The following CYP20A1 variants were observed in gnomAD, a reference collection of about 807,000 sequenced individuals.
CYP20A1 encodes cytochrome P450 family 20 subfamily A member 1.
In CYP20A1, 61 loss-of-function variants were observed where a neutral mutation model predicts 61.4. The observed-to-expected ratio is 0.99, with a 90% CI of 0.81 to 1.23. The LOEUF (loss-of-function observed/expected upper bound fraction) is 1.23, where lower values mean the gene tolerates loss of function less well. Among genes scored for constraint, CYP20A1 ranks in the 50% most tolerant of loss-of-function variants. The pLI is 0.00. For synonymous variants in CYP20A1, 193 were observed against 188.2 expected (o/e 1.03, Z -0.21); for missense variants, 530 against 542.4 (o/e 0.98, Z 0.23).
rs908751243 is a variant in CYP20A1 at position 203,303,004 on chromosome 2, T to G, written c.*6096T>G. Among the ~76,000 whole-genome samples, 3 of 151,410 alleles carry G rather than the reference T, an allele frequency of 2.0e-5. No homozygotes were observed. The highest frequency in any genetic ancestry group is 6.6e-5 in the Admixed American group (1 of 15,118). On this transcript the variant is annotated 3_prime_UTR_variant, in exon 13 of 13. Transcript: ENST00000356079. ...CCGCGCTCGGTCCCTTTCTTTTTAT[T>G]TATTTATTTATTTTGAGATGGAGTC...
Position 203,258,746 on chromosome 2 carries a change from G to A in CYP20A1, c.432+6637G>A, listed in dbSNP as rs773587151. Among the ~76,000 whole-genome samples the A allele has an allele frequency of 2.0e-5, 3 of 152,064 alleles. No homozygotes were observed. In the South Asian group the frequency reaches 6.2e-4, roughly 32 times the overall value. On this transcript the variant is annotated intron_variant, in intron 4 of 12. Transcript: ENST00000356079. Reference sequence around the variant, plus strand: ...AAGGTTCTGTATTGGTTGTACATACGTCGTGTTCTTTGAAGCTCTCAGGCT... The same window carrying A: ...AAGGTTCTGTATTGGTTGTACATACATCGTGTTCTTTGAAGCTCTCAGGCT...
Position 203,242,525 on chromosome 2 carries a change from A to G in CYP20A1, c.73-3321A>G, listed in dbSNP as rs117514507. 5.9e-3 allele frequency among the ~76,000 whole-genome samples: 899 copies of G among 152,244 alleles called. 33 individuals carry two copies. In the East Asian group the frequency reaches 0.098, roughly 17 times the overall value. ...AGCTTATGGCCAGCACGGTGACTCA[A>G]GCCTATAATCCCAGCACTTCGGGAG... On this transcript the variant is annotated intron_variant, in intron 1 of 12. Transcript: ENST00000356079.
In CYP20A1 at chr2:203,300,344, A is replaced by C. The variant is rs1489521944; in HGVS notation, c.*3436A>C. Among the ~76,000 whole-genome samples, 1 of 152,160 alleles carries C rather than the reference A, an allele frequency of 6.6e-6. No individual in the cohort carries two copies. Among genetic ancestry groups the C allele is most frequent in the Non-Finnish European group, 1.5e-5 (1 of 68,010 alleles). Reference sequence around the variant, plus strand: ...AATATATAAACTAAGTTATTCATTCACTGTTTTTCTTCACAGTAAGAATGA... The same window carrying C: ...AATATATAAACTAAGTTATTCATTCCCTGTTTTTCTTCACAGTAAGAATGA... On this transcript the variant is annotated 3_prime_UTR_variant, in exon 13 of 13. Transcript: ENST00000356079.
At position 203,294,151 on chromosome 2, in the gene CYP20A1, A is replaced by AT. The variant is rs1188149377; in HGVS notation, c.1148+1833dup. 6.6e-5 allele frequency among the ~76,000 whole-genome samples: 10 copies of AT among 151,810 alleles called. No individual in the cohort carries two copies. The East Asian group carries it at 1.9e-3, about 29-fold the overall frequency. On this transcript the variant is annotated intron_variant, in intron 11 of 12. Coordinates refer to ENST00000356079, the MANE Select transcript of CYP20A1 (RefSeq NM_177538.3). The stretch of plus-strand genomic sequence containing the variant: ...AGGTATACGCTACCATGCCTGGCTA[A>AT]TTTTTTTTAATTTTTAATTTATTTT...
intron 3 of CYP20A1, among the ~76,000 whole-genome samples, chr2:203,251,187 G>A (rs1237626186): frequency 2.0e-5 from 3 of 149,636 alleles, no homozygotes; most frequent in Non-Finnish European, 4.4e-5. Context: ...CAATGACAGT[G>A]TATCTTTGTA....
At chr2:203,239,388 A>G (rs1332216859) in intron 1 of CYP20A1, among the ~76,000 whole-genome samples, 2 of 151,492 alleles carry the variant, frequency 1.3e-5, no homozygotes, top group Non-Finnish European at 2.9e-5. Context: ...TGCTGAGGAA[A>G]AGCCCGCGCC....
chr2:203,263,481 G>A (rs931118031), intron 4 of CYP20A1, among the ~76,000 whole-genome samples: 1 of 151,514 alleles, frequency 6.6e-6, no homozygotes, highest in Non-Finnish European at 1.5e-5. Context: ...GTAGAGAATG[G>A]GTTTCACCAT....
chr2:203,269,644 A>G lies in CYP20A1; in HGVS notation c.600+2963A>G, dbSNP rs2152079210. On this transcript the variant is annotated intron_variant, in intron 5 of 12. Coordinates refer to ENST00000356079, the MANE Select transcript of CYP20A1 (RefSeq NM_177538.3). The stretch of plus-strand genomic sequence containing the variant: ...CCAGTAGCTGGGATTACAGGTGCCC[A>G]CCACCACGCCTGGCTAATTTTTGTA... Among the ~76,000 whole-genome samples, 3 of 151,772 alleles carry G rather than the reference A, an allele frequency of 2.0e-5. No homozygotes were observed. The Middle Eastern group carries it at 0.01, about 516-fold the overall frequency.
At chr2:203,280,237 T>C (rs1445619138) in intron 8 of CYP20A1, 124 bp downstream of exon 8, 2 of 627,304 alleles carry the variant, frequency 3.2e-6, no homozygotes, top group African/African-American at 3.8e-5. Flanking sequence ...GGCCAGGAGT[T>C]GGAGGCCAGC....
intron 5 of CYP20A1, among the ~76,000 whole-genome samples, chr2:203,267,059 A>C (rs1046345011): frequency 6.6e-6 from 1 of 150,940 alleles, no homozygotes; most frequent in Non-Finnish European, 1.5e-5. Context: ...ACTGAGGCTG[A>C]GGCAGGAGGG....
At chr2:203,241,343 GT>G (rs1454420689) in intron 1 of CYP20A1, among the ~76,000 whole-genome samples, 2 of 152,178 alleles carry the variant, frequency 1.3e-5, no homozygotes, top group African/African-American at 4.8e-5. Context: ...TATGTCTTGA[GT>G]TTATGGGAAA....
chr2:203,287,955 T>C (rs2068355509), intron 9 of CYP20A1, among the ~76,000 whole-genome samples: 1 of 151,672 alleles, frequency 6.6e-6, no homozygotes, highest in African/African-American at 2.4e-5. Flanking sequence ...GGTTTTGGGG[T>C]GGAGTGTTTT....
At chr2:203,250,554 A>T (rs2066622524) in intron 3 of CYP20A1, among the ~76,000 whole-genome samples, 1 of 152,214 alleles carries the variant, frequency 6.6e-6, no homozygotes, top group African/African-American at 2.4e-5. Flanking sequence ...ACTAGGCTTT[A>T]TACAACATGA....
chr2:203,266,878 G>A (rs1250355703), intron 5 of CYP20A1, among the ~76,000 whole-genome samples, 197 bp downstream of exon 5: 1 of 152,130 alleles, frequency 6.6e-6, no homozygotes, highest in African/African-American at 2.4e-5. Context: ...CTACTCAGGA[G>A]GCTGAGGCAT....
Position 203,266,586 on chromosome 2 carries a change from C to CTTGGTT in CYP20A1, c.509_514dup (p.Gly170_Phe171dup). 6.2e-7 allele frequency: 1 copy of CTTGGTT among 1,613,914 alleles called. No individual in the cohort carries two copies. On this transcript the variant is annotated inframe_insertion, in exon 5 of 13. Coordinates refer to ENST00000356079, the MANE Select transcript of CYP20A1 (RefSeq NM_177538.3). The stretch of plus-strand genomic sequence containing the variant: ...GCACGTGCCCCTCAGCCAGCATATG[C>CTTGGTT]TTGGTTTTGCTATGAAGTCTGTTAC...
intron 4 of CYP20A1, among the ~76,000 whole-genome samples, chr2:203,252,403 T>TA (rs2066726751): frequency 6.6e-6 from 1 of 151,860 alleles, no homozygotes; most frequent in South Asian, 2.1e-4. Flanking sequence ...TTGTTGTTGT[T>TA]ATTGTTGTTG....
chr2:203,267,573 G>T (rs1053699973), intron 5 of CYP20A1, among the ~76,000 whole-genome samples: 22 of 151,814 alleles, frequency 1.4e-4, no homozygotes, highest in Non-Finnish European at 3.1e-4. Flanking sequence ...GGCCGGGCGT[G>T]GTGGCTCACG....
rs1400475463 is a variant in CYP20A1 at position 203,299,096 on chromosome 2, A to G, written c.*2188A>G. 6.6e-6 allele frequency among the ~76,000 whole-genome samples: 1 copy of G among 152,140 alleles called. No individual in the cohort carries two copies. The highest frequency in any genetic ancestry group is 2.4e-5 in the African/African-American group (1 of 41,444). ...TTACACTTTAGCACTTATAAATTTT[A>G]TATATAATACTTTACTGATAGCATT... On this transcript the variant is annotated 3_prime_UTR_variant, in exon 13 of 13. Transcript: ENST00000356079.
chr2:203,301,931 T>G lies in CYP20A1; in HGVS notation c.*5023T>G, dbSNP rs867503143. On this transcript the variant is annotated 3_prime_UTR_variant, in exon 13 of 13. Coordinates refer to ENST00000356079, the MANE Select transcript of CYP20A1 (RefSeq NM_177538.3). ...TTAAGATTCTTTTTTTTTTTTTTTT[T>G]TTTTTGTTTTGAGACTGAGTCCCGC... Among the ~76,000 whole-genome samples, 19 of 146,846 alleles carry G rather than the reference T, an allele frequency of 1.3e-4. 1 individual carries two copies. Among genetic ancestry groups the G allele is most frequent in the South Asian group, 1.1e-3 (5 of 4,484 alleles).
Sources: gnomAD v4.1 joint callset for allele counts (sites outside exome capture counted in the v4.1 genomes callset) on GRCh38, gnomAD v4.1.1 for gene constraint, MANE v1.5 for transcripts, NCBI Gene and HGNC (gene_info 2026-07-23, HGNC 2026-07-21) for gene names.